RBFOX1: variants seen among roughly 807,000 people sequenced by gnomAD.
RBFOX1 encodes the protein RNA binding fox-1 homolog 1.
Under a neutral mutation model 57.7 loss-of-function variants are expected in RBFOX1, and 8 were observed. The ratio of observed to expected loss-of-function variants is 0.14; its 90% CI spans 0.08 to 0.25. RBFOX1 has a LOEUF of 0.25. RBFOX1 is among the 10% of genes least tolerant of loss of function. RBFOX1 has a pLI of 1.00. For synonymous variants in RBFOX1, 326 were observed against 222.4 expected (o/e 1.47, Z -4.15); for missense variants, 611 against 548.5 (o/e 1.11, Z -1.14).
chr16:7,230,057 A>AAAGGG (rs2093409325), intron 4 of RBFOX1, among the ~76,000 whole-genome samples: 1 of 119,984 alleles, frequency 8.3e-6, no homozygotes, highest in Non-Finnish European at 1.7e-5. Flanking sequence ...GAAGGAAAGG[A>AAAGGG]GAGAGAGGAA....
chr16:5,385,440 A>G (rs770988957), intron 1 of RBFOX1, among the ~76,000 whole-genome samples: 7 of 152,220 alleles, frequency 4.6e-5, no homozygotes, highest in Non-Finnish European at 1.0e-4. Context: ...GGGACATGAA[A>G]CATGCACTTT....
intron 6 of RBFOX1, among the ~76,000 whole-genome samples, chr16:7,584,838 T>C (rs2094008483): frequency 6.6e-6 from 1 of 152,218 alleles, no homozygotes; most frequent in East Asian, 1.9e-4. Context: ...CATTCTTCTT[T>C]GGGCTTGTTT....
At chr16:5,545,759 C>T (rs1323485204) in intron 2 of RBFOX1, among the ~76,000 whole-genome samples, 3 of 152,106 alleles carry the variant, frequency 2.0e-5, no homozygotes, top group Non-Finnish European at 4.4e-5. Context: ...AGACTGAATG[C>T]TTTCTGCTTA....
In RBFOX1 at chr16:7,410,968, C is replaced by G. The variant is rs936446743; in HGVS notation, c.28-107179C>G. Among the ~76,000 whole-genome samples, 4 of 152,048 alleles carry G rather than the reference C, an allele frequency of 2.6e-5. No homozygotes were observed. The South Asian group carries it at 8.3e-4, about 32-fold the overall frequency. On this transcript the variant is annotated intron_variant, in intron 4 of 15. Coordinates refer to ENST00000550418, the MANE Select transcript of RBFOX1 (RefSeq NM_018723.4). Reference sequence around the variant, plus strand: ...TTATTTATTTATTTATTTTTCGAGACAGAGTCTCACTCTGTCACCCAGGTT... The same window carrying G: ...TTATTTATTTATTTATTTTTCGAGAGAGAGTCTCACTCTGTCACCCAGGTT...
intron 3 of RBFOX1, among the ~76,000 whole-genome samples, chr16:6,773,237 TGTG>T (rs1449143760): frequency 2.1e-5 from 3 of 140,824 alleles, no homozygotes; most frequent in Admixed American, 7.2e-5. Flanking sequence ...GGGGTGCATT[TGTG>T]TGTGTGTGTG....
intron 5 of RBFOX1, among the ~76,000 whole-genome samples, chr16:7,548,759 C>T (rs572568498): frequency 1.3e-5 from 2 of 152,178 alleles, no homozygotes; most frequent in East Asian, 1.9e-4. Context: ...CCACTTGAGG[C>T]CGCCATGTTT....
At chr16:5,468,879 G>A (rs188050603) in intron 2 of RBFOX1, among the ~76,000 whole-genome samples, 2 of 152,370 alleles carry the variant, frequency 1.3e-5, no homozygotes, top group East Asian at 3.9e-4. Context: ...CAGGACAGAG[G>A]TCGCTACTTC....
At chr16:7,617,646 C>A (rs1250843244) in intron 10 of RBFOX1, among the ~76,000 whole-genome samples, 2 of 152,148 alleles carry the variant, frequency 1.3e-5, no homozygotes, top group Admixed American at 6.5e-5. Context: ...AACACTTAAT[C>A]CTTGTTTCCA....
At chr16:7,216,877 C>G (rs1182497767) in intron 4 of RBFOX1, among the ~76,000 whole-genome samples, 1 of 152,148 alleles carries the variant, frequency 6.6e-6, no homozygotes, top group Non-Finnish European at 1.5e-5. Context: ...TCTTTTCAAT[C>G]ATCCTGTGTT....
chr16:6,739,838 C>G (rs569570871), intron 3 of RBFOX1, among the ~76,000 whole-genome samples: 19 of 152,102 alleles, frequency 1.2e-4, no homozygotes, highest in Non-Finnish European at 2.1e-4. Flanking sequence ...GATTGCACCA[C>G]TTCACTCCAG....
chr16:5,516,557 C>T (rs2043799496), intron 2 of RBFOX1, among the ~76,000 whole-genome samples: 1 of 152,170 alleles, frequency 6.6e-6, no homozygotes, highest in African/African-American at 2.4e-5. Flanking sequence ...ACTACTTATT[C>T]AAGACAGTGA....
intron 2 of RBFOX1, among the ~76,000 whole-genome samples, chr16:6,347,285 C>G (rs376488383): frequency 5.9e-5 from 9 of 152,124 alleles, no homozygotes; most frequent in African/African-American, 2.2e-4. Context: ...GGTTCTCATC[C>G]TCAACCACCA....
chr16:6,252,257 C>A (rs6500765), intron 1 of RBFOX1, among the ~76,000 whole-genome samples: 90,095 of 151,814 alleles, frequency 0.59, 29,371 homozygotes, highest in East Asian at 0.81. Context: ...CCACCCTAAA[C>A]CTGAAAAGAA....
At chr16:6,676,260 G>C (rs577600472) in intron 3 of RBFOX1, among the ~76,000 whole-genome samples, 22 of 152,124 alleles carry the variant, frequency 1.4e-4, no homozygotes, top group African/African-American at 5.3e-4. Flanking sequence ...GAGTTCGGAG[G>C]AAGGCCTTCC....
intron 3 of RBFOX1, among the ~76,000 whole-genome samples, chr16:5,637,606 G>A (rs2048725575): frequency 6.6e-6 from 1 of 152,196 alleles, no homozygotes; most frequent in Admixed American, 6.5e-5. Context: ...TAAATAACAA[G>A]TTACCCTTTT....
intron 10 of RBFOX1, among the ~76,000 whole-genome samples, chr16:7,625,377 T>C (rs566219068): frequency 2.1e-3 from 326 of 152,290 alleles, no homozygotes; most frequent in Non-Finnish European, 3.6e-3. Context: ...TGGTTTCTTA[T>C]TACAGGAAAA....
intron 4 of RBFOX1, among the ~76,000 whole-genome samples, chr16:7,412,791 C>G (rs1006917583): frequency 1.2e-4 from 19 of 152,150 alleles, no homozygotes; most frequent in Non-Finnish European, 2.5e-4. Context: ...GCCTGTGATC[C>G]CAGAGCTCTG....
intron 1 of RBFOX1, among the ~76,000 whole-genome samples, chr16:6,160,037 C>T (rs998483638): frequency 5.3e-5 from 8 of 152,106 alleles, no homozygotes; most frequent in African/African-American, 1.7e-4. Context: ...TTGTTCTTAC[C>T]TTCAGTGAAG....
chr16:7,290,466 A>G (rs889095656), intron 4 of RBFOX1, among the ~76,000 whole-genome samples: 7 of 152,226 alleles, frequency 4.6e-5, no homozygotes, highest in African/African-American at 1.4e-4. Flanking sequence ...TGAGCACTGT[A>G]TCTCCAAGGC....
Sources: allele counts gnomAD v4.1 joint callset (sites outside exome capture counted in the v4.1 genomes callset), GRCh38; gene constraint gnomAD v4.1.1; transcripts MANE v1.5; gene names NCBI Gene and HGNC (gene_info 2026-07-23, HGNC 2026-07-21).